Variants in HSPBAP1 observed in about 807,000 individuals in gnomAD.
HSPBAP1 encodes HSPB1-associated protein 1.
A neutral mutation model predicts 45.2 loss-of-function variants in HSPBAP1; 27 were observed. That is an observed-to-expected ratio of 0.60 (90% CI 0.44 to 0.82). The LOEUF (loss-of-function observed/expected upper bound fraction) is 0.82. Among genes scored for constraint, HSPBAP1 ranks in the 40% least tolerant of loss-of-function variants. The probability of loss-of-function intolerance (pLI) is 0.00; values close to 1 mark genes in which losing one functional copy is unlikely to be tolerated. For synonymous variants in HSPBAP1, 204 were observed against 202.7 expected (o/e 1.01, Z -0.06); for missense variants, 510 against 590.9 (o/e 0.86, Z 1.42).
chr3:122,743,732 G>C (rs1309710941), intron 6 of HSPBAP1, among the ~76,000 whole-genome samples: 1 of 152,214 alleles, frequency 6.6e-6, no homozygotes, highest in Non-Finnish European at 1.5e-5. Context: ...ACAGAGATAA[G>C]ACAGATGGAT....
intron 3 of HSPBAP1, among the ~76,000 whole-genome samples, chr3:122,767,252 T>C (rs1934814847): frequency 6.6e-6 from 1 of 152,234 alleles, no homozygotes; most frequent in African/African-American, 2.4e-5. Context: ...CTAACAACTA[T>C]GACAGGACGG....
chr3:122,784,396 CA>C (rs1423684363), intron 1 of HSPBAP1, among the ~76,000 whole-genome samples: 3 of 152,148 alleles, frequency 2.0e-5, no homozygotes, highest in Non-Finnish European at 2.9e-5. Context: ...TACACACACA[CA>C]AATGTCTACT....
intron 3 of HSPBAP1, among the ~76,000 whole-genome samples, chr3:122,759,596 C>A (rs1934494975): frequency 6.6e-6 from 1 of 152,162 alleles, no homozygotes; most frequent in Non-Finnish European, 1.5e-5. Flanking sequence ...TGACTACTTA[C>A]AACATGCCAG....
At chr3:122,791,919 G>A (rs1158369713) in intron 1 of HSPBAP1, among the ~76,000 whole-genome samples, 1 of 152,184 alleles carries the variant, frequency 6.6e-6, no homozygotes, top group Non-Finnish European at 1.5e-5. Context: ...AGGGATTAGA[G>A]GGGCACAGAA....
intron 6 of HSPBAP1, among the ~76,000 whole-genome samples, chr3:122,749,586 T>A (rs1220245669): frequency 6.6e-6 from 1 of 152,182 alleles, no homozygotes; most frequent in African/African-American, 2.4e-5. Context: ...ATATTACTAT[T>A]TGAATTTTGG....
chr3:122,747,892 T>A (rs896164866), intron 6 of HSPBAP1, among the ~76,000 whole-genome samples: 12 of 152,096 alleles, frequency 7.9e-5, no homozygotes, highest in Non-Finnish European at 1.6e-4. Flanking sequence ...ACCCAACAGC[T>A]CATTGAGAAC....
At chr3:122,786,520 A>G (rs904886223) in intron 1 of HSPBAP1, 2 of 152,234 alleles carry the variant, frequency 1.3e-5, no homozygotes, top group African/African-American at 4.8e-5. Context: ...CGACAGTAAC[A>G]CATGAGTAGT....
At chr3:122,773,884 C>T (rs1377579879) in intron 2 of HSPBAP1, among the ~76,000 whole-genome samples, 1 of 152,220 alleles carries the variant, frequency 6.6e-6, no homozygotes, top group East Asian at 1.9e-4. Flanking sequence ...AGCAATCCTC[C>T]TGCTCCAGCC....
At chr3:122,765,603 GA>G (rs755386567) in intron 3 of HSPBAP1, among the ~76,000 whole-genome samples, 32 of 137,000 alleles carry the variant, frequency 2.3e-4, no homozygotes, top group Non-Finnish European at 2.2e-4. Flanking sequence ...AAGAGAAAAA[GA>G]AAAAAAAAAA....
intron 1 of HSPBAP1, among the ~76,000 whole-genome samples, chr3:122,778,615 C>T (rs1935279806): frequency 6.6e-6 from 1 of 151,662 alleles, no homozygotes; most frequent in Non-Finnish European, 1.5e-5. Context: ...CTGCAAGCTC[C>T]GCCTCCCAGG....
At chr3:122,746,235 G>A (rs1434710061) in intron 6 of HSPBAP1, among the ~76,000 whole-genome samples, 1 of 147,054 alleles carries the variant, frequency 6.8e-6, no homozygotes, top group Non-Finnish European at 1.5e-5. Flanking sequence ...TTTGTGGACA[G>A]AACAATTCAA....
At chr3:122,750,024 G>C (rs1261193503) in intron 6 of HSPBAP1, among the ~76,000 whole-genome samples, 2 of 150,120 alleles carry the variant, frequency 1.3e-5, no homozygotes, top group Non-Finnish European at 3.0e-5. Flanking sequence ...TGCCAGGCCA[G>C]AGTGCAGTGA....
At chr3:122,791,971 A>C (rs1420349218) in intron 1 of HSPBAP1, among the ~76,000 whole-genome samples, 3 of 152,254 alleles carry the variant, frequency 2.0e-5, no homozygotes, top group Non-Finnish European at 2.9e-5. Flanking sequence ...ATACAGTAGT[A>C]GTTGAGGTGA....
At chr3:122,786,159 T>C (rs1935652253) in intron 1 of HSPBAP1, among the ~76,000 whole-genome samples, 1 of 152,206 alleles carries the variant, frequency 6.6e-6, no homozygotes, top group South Asian at 2.1e-4. Flanking sequence ...TAGACTGTTA[T>C]TAATTCATAG....
intron 6 of HSPBAP1, among the ~76,000 whole-genome samples, chr3:122,743,368 G>A (rs538262016): frequency 3.9e-5 from 6 of 152,208 alleles, no homozygotes; most frequent in Admixed American, 1.3e-4. Flanking sequence ...TCAGGAGTTC[G>A]AGACCAGCTT....
intron 1 of HSPBAP1, among the ~76,000 whole-genome samples, chr3:122,788,880 T>C (rs1221149473): frequency 6.6e-6 from 1 of 152,224 alleles, no homozygotes. Flanking sequence ...TTCACAATGT[T>C]GTGTACCTAC....
At chr3:122,792,728 C>G (rs1033404884) in intron 1 of HSPBAP1, among the ~76,000 whole-genome samples, 3 of 152,066 alleles carry the variant, frequency 2.0e-5, no homozygotes, top group Admixed American at 6.5e-5. Flanking sequence ...CAAAAATTAG[C>G]TGGGCGTGGT....
chr3:122,783,904 C>T (rs1213102333), intron 1 of HSPBAP1, among the ~76,000 whole-genome samples: 1 of 151,788 alleles, frequency 6.6e-6, no homozygotes, highest in Non-Finnish European at 1.5e-5. Context: ...GATCTCGGCT[C>T]ACTGCAAGCT....
chr3:122,787,804 T>C (rs1935700198), intron 1 of HSPBAP1, among the ~76,000 whole-genome samples: 1 of 152,234 alleles, frequency 6.6e-6, no homozygotes, highest in Non-Finnish European at 1.5e-5. Context: ...GTGCAAGTAC[T>C]ATCTGACAAA....
Sources: gnomAD v4.1 joint callset for allele counts (sites outside exome capture counted in the v4.1 genomes callset) on GRCh38, gnomAD v4.1.1 for gene constraint, MANE v1.5 for transcripts, NCBI Gene and HGNC (gene_info 2026-07-23, HGNC 2026-07-21) for gene names.